LRRN2: variants seen among roughly 807,000 people sequenced by gnomAD.
LRRN2 encodes the protein leucine-rich repeat neuronal protein 2.
A neutral mutation model predicts 35.7 loss-of-function variants in LRRN2; 10 were observed. That is an observed-to-expected ratio of 0.28 (90% confidence interval 0.17 to 0.47). The LOEUF (loss-of-function observed/expected upper bound fraction) is 0.47. Ranked by LOEUF, LRRN2 falls within the 20% of genes least tolerant of loss-of-function variation. The pLI is 0.99. For missense variants in LRRN2, 731 were observed against 940.3 expected, an observed-to-expected ratio of 0.78 and a Z score of 2.91; for synonymous variants, 391 against 409.6, an observed-to-expected ratio of 0.95 and a Z score of 0.55.
chr1:204,654,033 C>CAA (rs56179230), intron 1 of LRRN2, among the ~76,000 whole-genome samples: 98 of 84,242 alleles, frequency 1.2e-3, no homozygotes, highest in East Asian at 9.6e-3. Flanking sequence ...GAGACCCTGA[C>CAA]AAAAAAAAAA....
At chr1:204,657,970 CTTTTTTTTTT>C (rs56792483) in intron 1 of LRRN2, among the ~76,000 whole-genome samples, 1 of 75,258 alleles carries the variant, frequency 1.3e-5, no homozygotes, top group African/African-American at 5.7e-5. Context: ...GCCAATGGTT[CTTTTTTTTTT>C]TTTTTTTTTT....
At chr1:204,674,512 G>T (rs1041809607) in intron 1 of LRRN2, among the ~76,000 whole-genome samples, 15 of 152,220 alleles carry the variant, frequency 9.9e-5, no homozygotes, top group Non-Finnish European at 1.6e-4. Flanking sequence ...CTGGCAGAGG[G>T]TATACGCACT....
chr1:204,649,831 G>C (rs1402698401), intron 1 of LRRN2, among the ~76,000 whole-genome samples: 3 of 152,304 alleles, frequency 2.0e-5, no homozygotes, highest in South Asian at 2.1e-4. Context: ...ATGGCAGTAG[G>C]GGGTATGGGG....
chr1:204,660,199 ACCCTCGTTTCTCCTTCCAGC>A (rs1442851414), intron 1 of LRRN2, among the ~76,000 whole-genome samples: 41 of 446 alleles, frequency 0.092, no homozygotes, highest in East Asian at 0.5. Flanking sequence ...TCTCCCGTCC[ACCCTCGTTTCTCCTTCCAGC>A]TCCACCCTCG....
intron 1 of LRRN2, among the ~76,000 whole-genome samples, chr1:204,638,602 G>C (rs11240233): frequency 2.4e-4 from 37 of 151,960 alleles, no homozygotes; most frequent in African/African-American, 7.0e-4. Flanking sequence ...AGTAGAGATG[G>C]GGTTTCACCA....
Position 204,617,581 on chromosome 1 carries a change from G to T in LRRN2, c.*270C>A. The stretch of plus-strand genomic sequence containing the variant: ...AGCCTCTGGGCAGAGAGAAGATGGG[G>T]AGGCAGGAGGCTCTAGCCAAAGTCC... On this transcript the variant is annotated 3_prime_UTR_variant, in exon 2 of 2. Transcript: ENST00000367177. The T allele has an allele frequency of 4.4e-6, 2 of 459,668 alleles. No homozygotes were observed. Among genetic ancestry groups the T allele is most frequent in the Non-Finnish European group, 3.9e-6 (1 of 254,770 alleles). The allele number at this position is 459,668 out of a possible 1,614,324, so 28.5% of individuals were successfully genotyped here.
At position 204,617,615 on chromosome 1, in the gene LRRN2, C is replaced by G; in HGVS notation, c.*236G>C. The stretch of plus-strand genomic sequence containing the variant: ...GGCTCTAGCCAAAGTCCCTCCTGTT[C>G]CTTGGAGATGTTCCTCAGAATGGCA... On this transcript the variant is annotated 3_prime_UTR_variant, in exon 2 of 2. Transcript: ENST00000367177. 1 of 550,172 alleles carries G rather than the reference C, an allele frequency of 1.8e-6. No individual in the cohort carries two copies. The highest frequency in any genetic ancestry group is 3.2e-6 in the Non-Finnish European group (1 of 308,040). The allele number at this position is 550,172 out of a possible 1,614,324, so 34.1% of individuals were successfully genotyped here.
chr1:204,632,655 C>T (rs548403376), intron 1 of LRRN2, among the ~76,000 whole-genome samples: 21 of 135,694 alleles, frequency 1.5e-4, no homozygotes, highest in Admixed American at 9.2e-4. Flanking sequence ...AAATTCGCCA[C>T]GCGCAGTGGC....
At chr1:204,631,867 C>T (rs532085687) in intron 1 of LRRN2, among the ~76,000 whole-genome samples, 1 of 152,212 alleles carries the variant, frequency 6.6e-6, no homozygotes, top group East Asian at 1.9e-4. Context: ...GTTGGAGCAG[C>T]AAGCCAGAGG....
intron 1 of LRRN2, among the ~76,000 whole-genome samples, chr1:204,672,971 C>G (rs1394809815): frequency 6.6e-6 from 1 of 152,216 alleles, no homozygotes; most frequent in African/African-American, 2.4e-5. Context: ...AGATCTTTCT[C>G]TTAGGGCCAG....
intron 1 of LRRN2, among the ~76,000 whole-genome samples, chr1:204,659,015 C>G (rs1668415329): frequency 6.6e-6 from 1 of 152,210 alleles, no homozygotes; most frequent in Non-Finnish European, 1.5e-5. Flanking sequence ...CAACCTCAGT[C>G]TGACATGAAA....
chr1:204,652,071 G>T (rs1317213424), intron 1 of LRRN2, among the ~76,000 whole-genome samples: 1 of 152,246 alleles, frequency 6.6e-6, no homozygotes, highest in Non-Finnish European at 1.5e-5. Flanking sequence ...TTTTGAAGCC[G>T]TCTTTAATTA....
chr1:204,632,188 T>C (rs538499631), intron 1 of LRRN2, among the ~76,000 whole-genome samples: 46 of 152,168 alleles, frequency 3.0e-4, no homozygotes, highest in Non-Finnish European at 5.1e-4. Context: ...GAGCTATGAC[T>C]GCACAACTGA....
rs751758172 is a variant in LRRN2, at chr1:204,618,305, G to T, written c.1688C>A (p.Ser563Tyr). The T allele has an allele frequency of 5.6e-6, 9 of 1,597,204 alleles. No homozygotes were observed. The South Asian group carries it at 1.0e-4, about 18-fold the overall frequency. Residue 563 changes from serine (S) to tyrosine (Y), a missense_variant, in exon 2 of 2, where the codon TCC becomes TAC. By Grantham distance (144) the Ser-to-Tyr change is moderately radical. Transcript: ENST00000367177. ...AGCTGTGGCCCCCTGGCCCCGGAGG[G>T]AGGAGGCACTGGACCAGGTGAGGTT... ...STNLTWSSAS[S>Y]LRGQGATALA...
intron 1 of LRRN2, among the ~76,000 whole-genome samples, chr1:204,674,872 C>T (rs558879964): frequency 3.3e-5 from 5 of 152,360 alleles, no homozygotes; most frequent in African/African-American, 1.2e-4. Context: ...CATCTTCCTG[C>T]GCCAGTGCTC....
At chr1:204,668,123 A>G (rs1294130136) in intron 1 of LRRN2, among the ~76,000 whole-genome samples, 1 of 152,176 alleles carries the variant, frequency 6.6e-6, no homozygotes, top group Non-Finnish European at 1.5e-5. Context: ...TGCTGGCCCC[A>G]CCAAGCTAAC....
intron 1 of LRRN2, among the ~76,000 whole-genome samples, chr1:204,665,936 C>T (rs1323914079): frequency 6.6e-6 from 1 of 152,230 alleles, no homozygotes; most frequent in Non-Finnish European, 1.5e-5. Context: ...TGGACACTTT[C>T]GGAACCCAAC....
At chr1:204,624,972 C>G (rs995728252) in intron 1 of LRRN2, among the ~76,000 whole-genome samples, 1 of 152,252 alleles carries the variant, frequency 6.6e-6, no homozygotes, top group African/African-American at 2.4e-5. Flanking sequence ...GGCCAGTCCT[C>G]CATCTGCATA....
rs553219473 is a variant in LRRN2, at chr1:204,638,483, T to C, written c.-226-18265A>G. On this transcript the variant is annotated intron_variant, in intron 1 of 1. Transcript: ENST00000367177. ...CTGGAGTGCAGTGGTGCGATCTCGG[T>C]TCACTGCAACCTCCGCCCTCTAGGT... Among the ~76,000 whole-genome samples the C allele has an allele frequency of 7.9e-5, 11 of 139,522 alleles. No homozygotes were observed. The South Asian group carries it at 1.7e-3, about 21-fold the overall frequency. The allele number at this position is 139,522 out of a possible 152,430, so 91.5% of individuals were successfully genotyped here. A position where few individuals can be genotyped will look rare whatever the true frequency, so the allele number is the denominator to read the frequency against.
Sources: allele counts gnomAD v4.1 joint callset (sites outside exome capture counted in the v4.1 genomes callset), GRCh38; gene constraint gnomAD v4.1.1; transcripts MANE v1.5; gene names NCBI Gene and HGNC (gene_info 2026-07-23, HGNC 2026-07-21).